MRM1: variants seen among roughly 807,000 people sequenced by gnomAD.
MRM1 encodes the protein mitochondrial rRNA methyltransferase 1.
MRM1 carries 24 observed loss-of-function variants against 25.0 expected under a neutral mutation model. That is an observed-to-expected ratio of 0.96 (90% CI 0.69 to 1.35). MRM1 has a LOEUF of 1.35. Ranked by LOEUF, MRM1 falls within the 40% of genes most tolerant of loss-of-function variation. The pLI, the probability that MRM1 is intolerant of heterozygous loss-of-function variation, is 0.00. For missense variants in MRM1, 431 were observed against 464.1 expected (o/e 0.93, Z 0.65); for synonymous variants, 188 against 199.2 (o/e 0.94, Z 0.47).
At chr17:36,609,335 A>G (rs1466644936), downstream of MRM1, among the ~76,000 whole-genome samples, 1 of 152,252 alleles carries the variant, frequency 6.6e-6, no homozygotes, top group Non-Finnish European at 1.5e-5. Flanking sequence ...GACACCAGAG[A>G]GTCTGACATG....
chr17:36,610,527 C>T (rs2028068), downstream of MRM1, among the ~76,000 whole-genome samples: 63,544 of 151,946 alleles, frequency 0.42, 14,006 homozygotes, highest in African/African-American at 0.55. Context: ...CCACTGCGCC[C>T]GGCCTAAGAT....
downstream of MRM1, among the ~76,000 whole-genome samples, chr17:36,612,349 C>T (rs1393558967): frequency 1.3e-5 from 2 of 152,216 alleles, no homozygotes; most frequent in Non-Finnish European, 2.9e-5. Context: ...AGGCCATACA[C>T]ACACAGGTGT....
chr17:36,632,414 G>A, the MRM1 span, among the ~76,000 whole-genome samples: 1 of 151,740 alleles, frequency 6.6e-6, no homozygotes, highest in Non-Finnish European at 1.5e-5. Flanking sequence ...AGTGGGTGTT[G>A]GACTTGGCCA....
chr17:36,624,563 G>A, the MRM1 span, among the ~76,000 whole-genome samples: 1 of 152,240 alleles, frequency 6.6e-6, no homozygotes, highest in Non-Finnish European at 1.5e-5. This position sits in a 1 kb window ranked among gnomAD's most constrained non-coding sequence, Gnocchi z 4.0. Flanking sequence ...GAGCACGCAT[G>A]TCATAGGAGG....
chr17:36,614,692 G>A, the MRM1 span, among the ~76,000 whole-genome samples: 1 of 152,140 alleles, frequency 6.6e-6, no homozygotes, highest in Non-Finnish European at 1.5e-5. Context: ...AGGACATTTA[G>A]TTGTCTCTTC....
At chr17:36,628,316 CAT>C in the MRM1 span, among the ~76,000 whole-genome samples, 15 of 152,298 alleles carry the variant, frequency 9.8e-5, no homozygotes, top group East Asian at 1.9e-4. Flanking sequence ...GGGCTAGAAA[CAT>C]GTGTTGGTTC....
In MRM1 at chr17:36,607,787, AC is replaced by A. The variant is rs2142841420; in HGVS notation, c.755del (p.Thr252IlefsTer39). On this transcript the variant is annotated frameshift_variant, in exon 3 of 5. Coordinates refer to ENST00000614766, the MANE Select transcript of MRM1 (RefSeq NM_024864.5). LOFTEE classifies it high-confidence loss of function. ...CTTGGAGTTCCTCTGGGAACGGCCT[AC>A]TCTCCTTGTGCTGGGTAGGTGGATG... The part of the protein sequence containing the change: ...SCLEFLWERP[T>X]LLVLGNEGSG... 6.2e-7 allele frequency: 1 copy of A among 1,613,930 alleles called. No individual in the cohort carries two copies. The highest frequency in any genetic ancestry group is 2.2e-5 in the East Asian group (1 of 44,846).
chr17:36,630,181 C>T, the MRM1 span, among the ~76,000 whole-genome samples: 3 of 152,144 alleles, frequency 2.0e-5, no homozygotes, highest in South Asian at 2.1e-4. Flanking sequence ...TGCCAGTTTG[C>T]GGAAGTGGCA....
downstream of MRM1, among the ~76,000 whole-genome samples, chr17:36,609,640 T>A (rs542225755): frequency 6.6e-6 from 1 of 152,290 alleles, no homozygotes; most frequent in South Asian, 2.1e-4. Context: ...TCCTGGAGCA[T>A]GGCTTTGGAG....
chr17:36,626,787 C>T, the MRM1 span, among the ~76,000 whole-genome samples: 12 of 152,174 alleles, frequency 7.9e-5, no homozygotes, highest in Non-Finnish European at 1.5e-4. Context: ...CTGAGGGTGA[C>T]GTGGCCTGTA....
rs200712812 is a variant in MRM1 at position 36,608,492 on chromosome 17, A to G, written c.*77A>G. On this transcript the variant is annotated 3_prime_UTR_variant, in exon 5 of 5. Transcript: ENST00000614766. ...CCTCCGCCGGCTCCAGTGTGCGGGG[A>G]GCCTCTGCCTGAGTGTGCACCAGGC... 46 of 987,496 alleles carry G rather than the reference A, an allele frequency of 4.7e-5. No homozygotes were observed. In the East Asian group the frequency reaches 2.4e-3, roughly 51 times the overall value. 61.2% of individuals were successfully genotyped at this position (987,496 alleles called of 1,614,324 possible). A position where few individuals can be genotyped will look rare whatever the true frequency, so the allele number is the denominator to read the frequency against.
the MRM1 span, among the ~76,000 whole-genome samples, chr17:36,621,044 A>T: frequency 3.4e-4 from 51 of 152,142 alleles, no homozygotes; most frequent in Non-Finnish European, 6.9e-4. Flanking sequence ...AATTTTCTTC[A>T]TCTGGGAGCA....
the MRM1 span, among the ~76,000 whole-genome samples, chr17:36,630,591 G>A: frequency 6.6e-6 from 1 of 152,176 alleles, no homozygotes. Flanking sequence ...ACTGAGGCAA[G>A]GGAGAACCTT....
the MRM1 span, among the ~76,000 whole-genome samples, chr17:36,622,571 C>CAAA: frequency 5.8e-5 from 6 of 104,310 alleles, no homozygotes; most frequent in East Asian, 5.7e-4. Context: ...GACTCCGTCT[C>CAAA]AAAAAAAAAA....
chr17:36,622,134 C>T, the MRM1 span, among the ~76,000 whole-genome samples: 1 of 152,108 alleles, frequency 6.6e-6, no homozygotes, highest in East Asian at 1.9e-4. Flanking sequence ...ATATGATTCT[C>T]CTCCACCAGG....
the MRM1 span, among the ~76,000 whole-genome samples, chr17:36,623,054 G>A: frequency 6.6e-6 from 1 of 152,192 alleles, no homozygotes; most frequent in Admixed American, 6.5e-5. Context: ...GGGGCACGGG[G>A]TATGTTCCCA....
downstream of MRM1, among the ~76,000 whole-genome samples, chr17:36,610,512 G>A (rs189130034): frequency 1.2e-4 from 18 of 152,224 alleles, no homozygotes; most frequent in East Asian, 2.5e-3. Context: ...GATTACAGGC[G>A]TGAGCCACTG....
At chr17:36,616,045 C>T in the MRM1 span, among the ~76,000 whole-genome samples, 1 of 152,130 alleles carries the variant, frequency 6.6e-6, no homozygotes, top group African/African-American at 2.4e-5. Flanking sequence ...TGCAGGCCGC[C>T]TGCTCCCTAC....
chr17:36,611,118 ATTTC>A (rs1179167867), downstream of MRM1, among the ~76,000 whole-genome samples: 1 of 152,174 alleles, frequency 6.6e-6, no homozygotes, highest in Non-Finnish European at 1.5e-5. Context: ...CCCAGCCGAT[ATTTC>A]TTAAAGCTAC....
Sources: allele counts gnomAD v4.1 joint callset (sites outside exome capture counted in the v4.1 genomes callset), GRCh38; gene constraint gnomAD v4.1.1; non-coding constraint Gnocchi (gnomAD v3.1); transcripts MANE v1.5; gene names NCBI Gene and HGNC (gene_info 2026-07-23, HGNC 2026-07-21).